Variants in MRTFA observed in about 807,000 individuals in gnomAD.
The protein encoded by MRTFA is myocardin related transcription factor A, also known as myocardin-related transcription factor A.
In MRTFA, 20 loss-of-function variants were observed where a neutral mutation model predicts 83.5. The observed-to-expected ratio is 0.24, with a 90% confidence interval of 0.17 to 0.35. The LOEUF is 0.35. MRTFA is among the 10% of genes least tolerant of loss of function. MRTFA has a pLI of 1.00. For missense variants in MRTFA, 1,200 were observed against 1,224.7 expected, an observed-to-expected ratio of 0.98 and a Z score of 0.30; for synonymous variants, 659 against 541.2, an observed-to-expected ratio of 1.22 and a Z score of -3.02.
chr22:40,428,275 G>A (rs1428454104), intron 7 of MRTFA, among the ~76,000 whole-genome samples: 1 of 152,192 alleles, frequency 6.6e-6, no homozygotes, highest in Non-Finnish European at 1.5e-5. Context: ...TGTGGGATCA[G>A]ACGCTATCTG....
intron 3 of MRTFA, among the ~76,000 whole-genome samples, chr22:40,515,373 T>A (rs1569306397): frequency 6.6e-6 from 1 of 151,838 alleles, no homozygotes; most frequent in Non-Finnish European, 1.5e-5. Flanking sequence ...CATATACATT[T>A]AAAAACCCCC....
chr22:40,550,602 T>C (rs1456993767), intron 3 of MRTFA, among the ~76,000 whole-genome samples: 1 of 152,182 alleles, frequency 6.6e-6, no homozygotes, highest in African/African-American at 2.4e-5. Flanking sequence ...AAATGAATAC[T>C]GAACAACAAA....
chr22:40,535,497 C>G (rs182019924), intron 3 of MRTFA, among the ~76,000 whole-genome samples: 166 of 151,972 alleles, frequency 1.1e-3, no homozygotes, highest in African/African-American at 3.9e-3. Flanking sequence ...GGACTACAGG[C>G]ATATGCCACC....
chr22:40,411,730 T>A lies in MRTFA; in HGVS notation c.2756A>T (p.Glu919Val). Residue 919 changes from glutamate to valine, a missense_variant, in exon 15 of 15, where the codon GAG (glutamate) becomes GTG (valine). Glu to Val is a moderately radical substitution (Grantham distance 121). Transcript: ENST00000355630. The stretch of plus-strand genomic sequence containing the variant: ...CAGCAGGGGCAGCCCCGTGCTGCTC[T>A]CCAGGAAGTCCTCCAGGCGTCCAGG... The A allele has an allele frequency of 6.4e-7, 1 of 1,556,118 alleles. No individual in the cohort carries two copies. Among genetic ancestry groups the A allele is most frequent in the Non-Finnish European group, 8.7e-7 (1 of 1,145,022 alleles).
At chr22:40,468,083 ATAACTAGCTAC>A (rs1475787493) in intron 3 of MRTFA, among the ~76,000 whole-genome samples, 4 of 152,218 alleles carry the variant, frequency 2.6e-5, no homozygotes, top group African/African-American at 9.7e-5. Flanking sequence ...TGCTATTTGA[ATAACTAGCTAC>A]TTTGGGGGTG....
Position 40,417,442 on chromosome 22 carries a change from G to C in MRTFA, c.2416C>G (p.Leu806Val). 1 of 1,604,768 alleles carries C rather than the reference G, an allele frequency of 6.2e-7. No individual in the cohort carries two copies. The highest frequency in any genetic ancestry group is 8.5e-7 in the Non-Finnish European group (1 of 1,176,568). ...AAGAGGGGCTGCAGTGGGTGCTCCA[G>C]GTCCATCTGGGCAGAGGGGGCAGGC... Residue 806 changes from leucine to valine, a missense_variant, in exon 13 of 15, where the codon CTG becomes GTG. Physicochemically the swap from Leu to Val is conservative, Grantham distance 32. This residue lies in a region of MRTFA where 1,107 missense variants were observed against 1,041.8 expected (regional missense o/e 1.06). Transcript: ENST00000355630.
chr22:40,424,274 C>T lies in MRTFA; in HGVS notation c.709G>A (p.Val237Met), dbSNP rs2052906797. ...ACTCGGGCCTCCAGGGGTGACGGCA[C>T]AGAACCCTGGGACTCATGGCTGGCA... Residue 237 changes from valine (V) to methionine (M), a missense_variant, in exon 8 of 15, where the codon GTG (valine) becomes ATG (methionine). Val to Met is a conservative substitution (Grantham distance 21, BLOSUM62 1). This residue lies in a region of MRTFA where 1,107 missense variants were observed against 1,041.8 expected (regional missense o/e 1.06). Coordinates refer to ENST00000355630, the MANE Select transcript of MRTFA (RefSeq NM_020831.6). The T allele has an allele frequency of 6.2e-7, 1 of 1,611,774 alleles. No individual in the cohort carries two copies. The highest frequency in any genetic ancestry group is 8.5e-7 in the Non-Finnish European group (1 of 1,179,158).
intron 3 of MRTFA, among the ~76,000 whole-genome samples, chr22:40,497,325 T>A (rs1403504268): frequency 1.3e-5 from 2 of 151,948 alleles, no homozygotes; most frequent in Non-Finnish European, 2.9e-5. Flanking sequence ...AAAGCAAAAG[T>A]TATGAAAATA....
chr22:40,552,895 A>C (rs1325439641), intron 2 of MRTFA, among the ~76,000 whole-genome samples: 1 of 152,224 alleles, frequency 6.6e-6, no homozygotes, highest in Non-Finnish European at 1.5e-5. Context: ...GAAGACAGGA[A>C]ACTGTGGTAA....
chr22:40,516,861 T>G (rs1159261969), intron 3 of MRTFA, among the ~76,000 whole-genome samples: 1 of 152,156 alleles, frequency 6.6e-6, no homozygotes, highest in African/African-American at 2.4e-5. Context: ...TCAAATTTAT[T>G]TTTTAAAAAA....
At chr22:40,435,325 A>C (rs1470644046) in intron 5 of MRTFA, among the ~76,000 whole-genome samples, 174 bp downstream of exon 5, 1 of 152,214 alleles carries the variant, frequency 6.6e-6, no homozygotes, top group South Asian at 2.1e-4. Context: ...GAAGGGATGA[A>C]GTAGGAGAAG....
At chr22:40,617,387 T>C (rs954658323) in intron 1 of MRTFA, among the ~76,000 whole-genome samples, 2 of 151,800 alleles carry the variant, frequency 1.3e-5, no homozygotes, top group Non-Finnish European at 2.9e-5. Flanking sequence ...GGAGGCCAAA[T>C]TGAAAAGGAG....
chr22:40,587,216 A>C (rs1425921851), intron 2 of MRTFA: 8 of 469,220 alleles, frequency 1.7e-5, no homozygotes, highest in Non-Finnish European at 3.4e-5. Flanking sequence ...CTTTACACCA[A>C]GTGCCACACA....
At chr22:40,475,681 T>C (rs748875865) in intron 3 of MRTFA, among the ~76,000 whole-genome samples, 4 of 152,230 alleles carry the variant, frequency 2.6e-5, no homozygotes, top group East Asian at 1.9e-4. Context: ...GTGAGACACA[T>C]GTGTACATTA....
intron 2 of MRTFA, among the ~76,000 whole-genome samples, chr22:40,567,350 G>A (rs553026562): frequency 6.6e-6 from 1 of 152,206 alleles, no homozygotes; most frequent in Admixed American, 6.5e-5. Context: ...ATTTTTAAAG[G>A]TGGAATTCTA....
intron 3 of MRTFA, among the ~76,000 whole-genome samples, chr22:40,474,274 T>C (rs1249241651): frequency 1.3e-5 from 2 of 152,184 alleles, no homozygotes; most frequent in Admixed American, 1.3e-4. Flanking sequence ...CAAGTTGTGA[T>C]CAATATTTTA....
chr22:40,484,338 C>T (rs1326885766), intron 3 of MRTFA, among the ~76,000 whole-genome samples: 2 of 151,884 alleles, frequency 1.3e-5, no homozygotes, highest in Admixed American at 1.3e-4. Context: ...AGTGTCTGAG[C>T]GTAAAAGCTA....
chr22:40,583,201 A>G (rs1240125494), intron 2 of MRTFA, among the ~76,000 whole-genome samples: 3 of 152,208 alleles, frequency 2.0e-5, no homozygotes, highest in African/African-American at 2.4e-5. Context: ...ATATAGCCAC[A>G]TGACAGCTCA....
chr22:40,601,069 T>C (rs950483982), intron 1 of MRTFA, among the ~76,000 whole-genome samples: 4 of 152,198 alleles, frequency 2.6e-5, no homozygotes, highest in Non-Finnish European at 4.4e-5. Context: ...TTCCCAGTTT[T>C]CCCTTCATCT....
Sources: gnomAD v4.1 joint callset for allele counts (sites outside exome capture counted in the v4.1 genomes callset) on GRCh38, gnomAD v4.1.1 for gene constraint, gnomAD v4.1.1 regional missense constraint, MANE v1.5 for transcripts, NCBI Gene and HGNC (gene_info 2026-07-23, HGNC 2026-07-21) for gene names.